The following NRG3 variants were observed in gnomAD, a reference collection of about 807,000 sequenced individuals.
NRG3 encodes the protein neuregulin 3, also known as pro-neuregulin-3, membrane-bound isoform.
In NRG3, 31 loss-of-function variants were observed where a neutral mutation model predicts 66.9. That is an observed-to-expected ratio of 0.46 (90% CI 0.35 to 0.63). NRG3 has a LOEUF of 0.63. Ranked by LOEUF, NRG3 falls within the 20% of genes least tolerant of loss-of-function variation. NRG3 has a pLI of 0.00. For synonymous variants in NRG3, 393 were observed against 359.4 expected, an observed-to-expected ratio of 1.09 and a Z score of -1.06; for missense variants, 910 against 878.9, an observed-to-expected ratio of 1.04 and a Z score of -0.45.
In NRG3 at chr10:82,666,793, G is replaced by T. The variant is rs184314661; in HGVS notation, c.954-71784G>T. On this transcript the variant is annotated intron_variant, in intron 2 of 8. Transcript: ENST00000372141. ...TCCTGTTGCTCAGTTTGCTTTTCCA[G>T]AGGTAATCTGAAAATAGAACACTTT... Among the ~76,000 whole-genome samples the T allele has an allele frequency of 1.1e-4, 17 of 152,254 alleles. 1 individual carries two copies.
Position 82,476,564 on chromosome 10 carries a change from G to A in NRG3, c.953+117696G>A, listed in dbSNP as rs988643308. Among the ~76,000 whole-genome samples, 6 of 152,276 alleles carry A rather than the reference G, an allele frequency of 3.9e-5. 1 individual carries two copies. Among genetic ancestry groups the A allele is most frequent in the Non-Finnish European group, 4.4e-5 (3 of 68,010 alleles). ...TTCGAACACATGCTACAGCATGAAT[G>A]CATCTTGAAGACATTATGCTAAGTA... On this transcript the variant is annotated intron_variant, in intron 2 of 8. Transcript: ENST00000372141.
Position 82,647,011 on chromosome 10 carries a change from A to C in NRG3, c.954-91566A>C, listed in dbSNP as rs1279726763. 2.9e-5 allele frequency among the ~76,000 whole-genome samples: 3 copies of C among 103,122 alleles called. No homozygotes were observed. In the South Asian group the frequency reaches 8.2e-4, roughly 28 times the overall value. The allele number at this position is 103,122 out of a possible 152,430, so 67.7% of individuals were successfully genotyped here. A position where few individuals can be genotyped will look rare whatever the true frequency, so the allele number is the denominator to read the frequency against. On this transcript the variant is annotated intron_variant, in intron 2 of 8. Coordinates refer to ENST00000372141, the MANE Select transcript of NRG3 (RefSeq NM_001010848.4). The stretch of plus-strand genomic sequence containing the variant: ...TTTTTATGTTCTCTTTTTTAATTTT[A>C]TTATTATTATACTTTAAGTTTTAGG...
chr10:82,003,139 A>T (rs1414750116), intron 1 of NRG3, among the ~76,000 whole-genome samples: 3 of 152,028 alleles, frequency 2.0e-5, no homozygotes, highest in Non-Finnish European at 4.4e-5. Flanking sequence ...GTGCAAGGGG[A>T]GGGGAAAAGA....
intron 1 of NRG3, among the ~76,000 whole-genome samples, chr10:81,919,000 T>TACACAC (rs200180355): frequency 4.6e-5 from 6 of 129,528 alleles, no homozygotes; most frequent in African/African-American, 1.5e-4. Flanking sequence ...CACACATACA[T>TACACAC]ACACACACAC....
chr10:81,952,029 A>C (rs1849404486), intron 1 of NRG3, among the ~76,000 whole-genome samples: 1 of 151,062 alleles, frequency 6.6e-6, no homozygotes, highest in Non-Finnish European at 1.5e-5. Context: ...AGGACAAAAA[A>C]CCAAACACCG....
At chr10:82,871,757 G>A (rs1427309434) in intron 4 of NRG3, among the ~76,000 whole-genome samples, 1 of 152,048 alleles carries the variant, frequency 6.6e-6, no homozygotes, top group African/African-American at 2.4e-5. Flanking sequence ...GACTTTACAT[G>A]TTAACCTAGT....
intron 1 of NRG3, among the ~76,000 whole-genome samples, chr10:82,254,751 C>T (rs1037894490): frequency 4.0e-5 from 6 of 151,374 alleles, no homozygotes; most frequent in African/African-American, 1.2e-4. Flanking sequence ...TTTCAAATGG[C>T]CAAAGCTGAA....
At chr10:82,901,784 C>T (rs1363356421) in intron 4 of NRG3, among the ~76,000 whole-genome samples, 1 of 151,672 alleles carries the variant, frequency 6.6e-6, no homozygotes, top group Non-Finnish European at 1.5e-5. Flanking sequence ...TGGTGGTGCA[C>T]AAATCCACAT....
intron 2 of NRG3, among the ~76,000 whole-genome samples, chr10:82,487,609 A>G (rs935109593): frequency 2.0e-5 from 3 of 152,196 alleles, no homozygotes; most frequent in African/African-American, 7.2e-5. Context: ...TAGGCTTCAC[A>G]TCTAGTTGGG....
At chr10:81,964,485 G>A (rs572196531) in intron 1 of NRG3, among the ~76,000 whole-genome samples, 16 of 150,914 alleles carry the variant, frequency 1.1e-4, no homozygotes, top group Non-Finnish European at 1.5e-4. Flanking sequence ...TCTCATGACC[G>A]TACAGTAGTG....
chr10:82,758,035 T>C (rs2059148703), intron 3 of NRG3, among the ~76,000 whole-genome samples: 1 of 152,074 alleles, frequency 6.6e-6, no homozygotes, highest in Non-Finnish European at 1.5e-5. Flanking sequence ...CCCATGTGAA[T>C]TGCAATTATT....
chr10:82,513,457 T>A (rs1376929715), intron 2 of NRG3, among the ~76,000 whole-genome samples: 1 of 152,268 alleles, frequency 6.6e-6, no homozygotes, highest in Non-Finnish European at 1.5e-5. Flanking sequence ...TTTATATTCC[T>A]ATGGGTTTAT....
At chr10:82,324,825 C>T (rs931543786) in intron 1 of NRG3, among the ~76,000 whole-genome samples, 4 of 152,008 alleles carry the variant, frequency 2.6e-5, no homozygotes, top group African/African-American at 9.7e-5. Context: ...TTAATGAACC[C>T]GAATATGATC....
intron 2 of NRG3, among the ~76,000 whole-genome samples, chr10:82,486,391 A>G (rs961259477): frequency 6.6e-6 from 1 of 152,188 alleles, no homozygotes; most frequent in African/African-American, 2.4e-5. Context: ...TGAATGGACA[A>G]AGAAATTGTT....
chr10:82,073,176 G>A (rs1314280450), intron 1 of NRG3, among the ~76,000 whole-genome samples: 2 of 152,048 alleles, frequency 1.3e-5, no homozygotes, highest in Non-Finnish European at 2.9e-5. Flanking sequence ...GTTGAAAAAT[G>A]ATAGAACAAT....
intron 1 of NRG3, among the ~76,000 whole-genome samples, chr10:82,300,736 C>G (rs1334647457): frequency 6.6e-6 from 1 of 152,050 alleles, no homozygotes; most frequent in Non-Finnish European, 1.5e-5. Context: ...CTCTTAGATT[C>G]CCAGTAGGTA....
At chr10:82,554,872 C>T (rs2044547340) in intron 2 of NRG3, among the ~76,000 whole-genome samples, 2 of 152,134 alleles carry the variant, frequency 1.3e-5, no homozygotes, top group African/African-American at 4.8e-5. Context: ...GTGAAAAGAG[C>T]AGTTATGAGG....
At position 82,418,181 on chromosome 10, in the gene NRG3, G is replaced by A. The variant is rs550885565; in HGVS notation, c.953+59313G>A. ...CCAGTGTTTAAAATGTAAGTTTAGG[G>A]AGAAAGGCAGTTCACCTTCTCTCCA... On this transcript the variant is annotated intron_variant, in intron 2 of 8. Transcript: ENST00000372141. 4.6e-5 allele frequency among the ~76,000 whole-genome samples: 7 copies of A among 152,284 alleles called. No individual in the cohort carries two copies. The East Asian group carries it at 1.4e-3, about 29-fold the overall frequency.
intron 2 of NRG3, among the ~76,000 whole-genome samples, chr10:82,698,332 G>T (rs2055562253): frequency 6.6e-6 from 1 of 152,012 alleles, no homozygotes; most frequent in African/African-American, 2.4e-5. Flanking sequence ...AGTGTGTGAG[G>T]GTGTGCTTAA....
Sources: allele counts gnomAD v4.1 joint callset (sites outside exome capture counted in the v4.1 genomes callset), GRCh38; gene constraint gnomAD v4.1.1; transcripts MANE v1.5; gene names NCBI Gene and HGNC (gene_info 2026-07-23, HGNC 2026-07-21).